AGBL1: variants seen among roughly 807,000 people sequenced by gnomAD.
AGBL1 encodes cytosolic carboxypeptidase 4.
A neutral mutation model predicts 118.9 loss-of-function variants in AGBL1; 130 were observed. That is an observed-to-expected ratio of 1.09 (90% CI 0.95 to 1.26). The LOEUF is 1.26. Ranked by LOEUF, AGBL1 falls within the 50% of genes most tolerant of loss-of-function variation. AGBL1 has a pLI of 0.00. For synonymous variants in AGBL1, 555 were observed against 478.9 expected (o/e 1.16, Z -2.08); for missense variants, 1,584 against 1,298.1 (o/e 1.22, Z -3.38).
intron 21 of AGBL1, among the ~76,000 whole-genome samples, chr15:86,631,795 G>A (rs2142437708): frequency 6.6e-6 from 1 of 152,288 alleles, no homozygotes; most frequent in Non-Finnish European, 1.5e-5. Context: ...TCTGAATGGA[G>A]CCTAGAGCCT....
chr15:86,389,531 G>A (rs1335155859), intron 17 of AGBL1, among the ~76,000 whole-genome samples: 1 of 152,152 alleles, frequency 6.6e-6, no homozygotes, highest in African/African-American at 2.4e-5. Flanking sequence ...TAAAAGGTGA[G>A]TTTCAGGCAG....
At chr15:86,899,256 G>A (rs1567230294) in intron 22 of AGBL1, among the ~76,000 whole-genome samples, 1 of 152,180 alleles carries the variant, frequency 6.6e-6, no homozygotes, top group Admixed American at 6.6e-5. Flanking sequence ...GGAGCTGAAG[G>A]CCATTATCCT....
chr15:86,136,950 A>G (rs1730558639), intron 1 of AGBL1, among the ~76,000 whole-genome samples: 1 of 152,198 alleles, frequency 6.6e-6, no homozygotes, highest in Admixed American at 6.5e-5. Flanking sequence ...ATTTTTTTAT[A>G]GGATTTTTTT....
intron 18 of AGBL1, among the ~76,000 whole-genome samples, chr15:86,482,133 G>A (rs2082660416): frequency 1.3e-5 from 2 of 152,096 alleles, no homozygotes; most frequent in Admixed American, 1.3e-4. Context: ...ACCTACTTTT[G>A]TAATATATTT....
chr15:86,875,402 T>C (rs2079793021), intron 22 of AGBL1, among the ~76,000 whole-genome samples: 2 of 152,234 alleles, frequency 1.3e-5, no homozygotes, highest in African/African-American at 4.8e-5. Flanking sequence ...TGCAGTGTAA[T>C]TGGATTTTTT....
chr15:86,804,536 A>C (rs752677035), intron 22 of AGBL1, among the ~76,000 whole-genome samples: 22 of 152,180 alleles, frequency 1.4e-4, no homozygotes, highest in Non-Finnish European at 3.2e-4. Context: ...GAAAAATGCA[A>C]AATGGAAGGA....
At chr15:86,085,920 G>C (rs1334082208) in intron 1 of AGBL1, among the ~76,000 whole-genome samples, 1 of 152,216 alleles carries the variant, frequency 6.6e-6, no homozygotes, top group Non-Finnish European at 1.5e-5. Flanking sequence ...CTCAAATTGA[G>C]AGCAGTTGGC....
At position 86,887,186 on chromosome 15, in the gene AGBL1, GAT is replaced by G. The variant is rs532476784; in HGVS notation, c.3159-19894_3159-19893del. On this transcript the variant is annotated intron_variant, in intron 22 of 22. Coordinates refer to ENST00000614907, the MANE Select transcript of AGBL1 (RefSeq NM_001386094.1). ...ATATATGTAAAGGTATATGTGTAAA[GAT>G]ATATATGTCTATCATTCTGCCATCT... Among the ~76,000 whole-genome samples, 9 of 152,254 alleles carry G rather than the reference GAT, an allele frequency of 5.9e-5. No individual in the cohort carries two copies. In the South Asian group the frequency reaches 1.7e-3, roughly 28 times the overall value.
intron 21 of AGBL1, among the ~76,000 whole-genome samples, chr15:86,622,918 A>G (rs1434909155): frequency 6.6e-6 from 1 of 152,178 alleles, no homozygotes; most frequent in African/African-American, 2.4e-5. Context: ...AGGTGATGAG[A>G]GACAGTGACA....
chr15:86,632,642 TTTTC>T (rs1396679017), intron 21 of AGBL1, among the ~76,000 whole-genome samples: 5 of 151,854 alleles, frequency 3.3e-5, no homozygotes, highest in African/African-American at 1.2e-4. Flanking sequence ...TTTTTTTTTT[TTTTC>T]TTTTTCACAA....
chr15:86,431,194 A>T (rs892423772), intron 18 of AGBL1, among the ~76,000 whole-genome samples: 1 of 152,056 alleles, frequency 6.6e-6, no homozygotes, highest in African/African-American at 2.4e-5. Context: ...TGACCAGGAG[A>T]GATTAGTGCC....
At chr15:86,713,219 T>A (rs1354614389) in intron 22 of AGBL1, among the ~76,000 whole-genome samples, 1 of 152,160 alleles carries the variant, frequency 6.6e-6, no homozygotes, top group Middle Eastern at 3.4e-3. Context: ...ATGAAAGAGT[T>A]TGGGGAAGGA....
At chr15:86,902,465 G>T (rs1053453424) in intron 22 of AGBL1, among the ~76,000 whole-genome samples, 12 of 152,124 alleles carry the variant, frequency 7.9e-5, no homozygotes, top group African/African-American at 2.9e-4. Context: ...CTTAGGAAAA[G>T]AAAAATCTAT....
chr15:86,731,647 AAGAT>A (rs745614691), intron 22 of AGBL1, among the ~76,000 whole-genome samples: 32 of 152,218 alleles, frequency 2.1e-4, no homozygotes, highest in Non-Finnish European at 4.3e-4. Context: ...ACAAGATACA[AAGAT>A]AGAGAGAGGA....
chr15:86,151,088 G>T (rs2077102097), intron 3 of AGBL1, among the ~76,000 whole-genome samples: 2 of 151,656 alleles, frequency 1.3e-5, no homozygotes, highest in South Asian at 4.2e-4. Flanking sequence ...TTACTCATAG[G>T]TGGGAATTGA....
intron 18 of AGBL1, among the ~76,000 whole-genome samples, chr15:86,482,555 A>C (rs2082665581): frequency 6.6e-6 from 1 of 152,070 alleles, no homozygotes; most frequent in African/African-American, 2.4e-5. Context: ...TAATTGAAAC[A>C]AACTGCACTG....
chr15:86,871,774 G>C lies in AGBL1; in HGVS notation c.3159-35313G>C, dbSNP rs115482013. 8.4e-3 allele frequency among the ~76,000 whole-genome samples: 1,276 copies of C among 152,118 alleles called. 14 individuals are homozygous for C. The highest frequency in any genetic ancestry group is 0.03 in the African/African-American group (1,233 of 41,496). On this transcript the variant is annotated intron_variant, in intron 22 of 22. Transcript: ENST00000614907. ...GACTTCCTTCCACACCTACCATCTTGGCTCCAAGAACTCCGGAGACCTACT... is the reference window on the plus strand; with the variant it reads ...GACTTCCTTCCACACCTACCATCTTCGCTCCAAGAACTCCGGAGACCTACT...
intron 6 of AGBL1, among the ~76,000 whole-genome samples, chr15:86,238,119 C>T (rs2078583076): frequency 6.6e-6 from 1 of 152,180 alleles, no homozygotes; most frequent in Admixed American, 6.5e-5. Context: ...CCTACCTCAT[C>T]ACTCTAGTGC....
chr15:86,715,334 A>G (rs1051768876), intron 22 of AGBL1, among the ~76,000 whole-genome samples: 10 of 152,212 alleles, frequency 6.6e-5, no homozygotes, highest in Non-Finnish European at 1.2e-4. Flanking sequence ...CAAAGGAAAC[A>G]GCTCTGATGG....
Sources: gnomAD v4.1 joint callset for allele counts (sites outside exome capture counted in the v4.1 genomes callset) on GRCh38, gnomAD v4.1.1 for gene constraint, MANE v1.5 for transcripts, NCBI Gene and HGNC (gene_info 2026-07-23, HGNC 2026-07-21) for gene names.